Variants in CSMD1 observed in about 807,000 individuals in gnomAD.
The protein encoded by CSMD1 is CUB and Sushi multiple domains 1, also known as CUB and sushi domain-containing protein 1.
A neutral mutation model predicts 417.5 loss-of-function variants in CSMD1; 213 were observed. The ratio of observed to expected loss-of-function variants is 0.51; its 90% CI spans 0.46 to 0.57. The LOEUF (loss-of-function observed/expected upper bound fraction) is 0.57. Among genes scored for constraint, CSMD1 ranks in the 20% least tolerant of loss-of-function variants. CSMD1 has a pLI of 0.00. For missense variants in CSMD1, 6,923 were observed against 4,529.7 expected (o/e 1.53, Z -15.17); for synonymous variants, 2,862 against 1,736.8 (o/e 1.65, Z -16.11).
At chr8:3,245,758 G>T (rs1799841501) in intron 26 of CSMD1, among the ~76,000 whole-genome samples, 1 of 152,176 alleles carries the variant, frequency 6.6e-6, no homozygotes, top group South Asian at 2.1e-4. Context: ...ATCTAGAACG[G>T]ACTATGTGTT....
intron 7 of CSMD1, among the ~76,000 whole-genome samples, chr8:3,648,274 A>G (rs962728318): frequency 2.0e-5 from 3 of 152,222 alleles, no homozygotes; most frequent in African/African-American, 7.2e-5. Flanking sequence ...TCTTTTCTCT[A>G]GAGTAATATA....
chr8:4,660,179 C>T (rs1354051329), intron 1 of CSMD1, among the ~76,000 whole-genome samples: 9 of 150,786 alleles, frequency 6.0e-5, no homozygotes, highest in Admixed American at 4.6e-4. Context: ...TAAAACTGTC[C>T]ATATTTAAAG....
chr8:4,880,812 T>C (rs570285516), intron 1 of CSMD1, among the ~76,000 whole-genome samples: 90 of 152,250 alleles, frequency 5.9e-4, no homozygotes, highest in African/African-American at 2.0e-3. Context: ...AGAAAAAGTT[T>C]TCACTTTTGT....
At chr8:3,399,120 C>G (rs1035027109) in intron 16 of CSMD1, among the ~76,000 whole-genome samples, 5 of 152,026 alleles carry the variant, frequency 3.3e-5, no homozygotes, top group Non-Finnish European at 7.4e-5. Context: ...GGTCCCAAAC[C>G]CAGAGTCAGA....
At chr8:3,579,935 C>T (rs1194519102) in intron 9 of CSMD1, among the ~76,000 whole-genome samples, 3 of 152,012 alleles carry the variant, frequency 2.0e-5, no homozygotes, top group African/African-American at 4.8e-5. Context: ...GAAACCCTGT[C>T]TCTACGAAAC....
At chr8:3,256,309 G>GAAAA (rs61572877) in intron 26 of CSMD1, among the ~76,000 whole-genome samples, 35,788 of 80,546 alleles carry the variant, frequency 0.44, 5,211 homozygotes, top group Admixed American at 0.48. Flanking sequence ...TAAGTCTCAA[G>GAAAA]AAAAAAAAAA....
chr8:3,970,598 G>C (rs1563267777), intron 5 of CSMD1, among the ~76,000 whole-genome samples: 1 of 152,144 alleles, frequency 6.6e-6, no homozygotes, highest in South Asian at 2.1e-4. Flanking sequence ...AGAATGAATA[G>C]CAAAGGATCT....
intron 2 of CSMD1, among the ~76,000 whole-genome samples, chr8:4,634,450 G>C (rs1025026745): frequency 6.6e-6 from 1 of 152,076 alleles, no homozygotes; most frequent in South Asian, 2.1e-4. Context: ...TTGTTTAACA[G>C]AAAAACTGTT....
At chr8:4,565,473 C>T (rs1468580463) in intron 2 of CSMD1, among the ~76,000 whole-genome samples, 1 of 152,012 alleles carries the variant, frequency 6.6e-6, no homozygotes, top group Non-Finnish European at 1.5e-5. Flanking sequence ...CATAGTGGCT[C>T]ACACCTGTAA....
intron 3 of CSMD1, among the ~76,000 whole-genome samples, chr8:4,312,395 A>G (rs1391372244): frequency 1.0e-4 from 2 of 19,970 alleles, no homozygotes; most frequent in Non-Finnish European, 1.3e-4. Context: ...ATATATATAC[A>G]TACATATATA....
At chr8:4,750,401 C>T (rs1811238426) in intron 1 of CSMD1, among the ~76,000 whole-genome samples, 1 of 152,120 alleles carries the variant, frequency 6.6e-6, no homozygotes, top group Non-Finnish European at 1.5e-5. Flanking sequence ...GATTCAATTT[C>T]CTTAGGATAA....
intron 6 of CSMD1, among the ~76,000 whole-genome samples, chr8:3,735,474 G>C (rs73187251): frequency 6.6e-6 from 1 of 150,876 alleles, no homozygotes; most frequent in African/African-American, 2.4e-5. Context: ...AGAAGTCTCT[G>C]TGTCAATATA....
In CSMD1 at chr8:3,187,941, C is replaced by G; in HGVS notation, c.5548G>C (p.Glu1850Gln). ...ATCTCAAGGGAGTCCCAGTTCTGCT[C>G]CGTGGCAAAACTGATCACTTGGATC... ...IQIQVISFAT[E>Q]QNWDSLEIHD... The change falls in exon 36 of 70, where the codon GAG becomes CAG. Residue 1850 changes from glutamate to glutamine, a missense_variant. Coordinates refer to ENST00000635120, the MANE Select transcript of CSMD1 (RefSeq NM_033225.6). 1 of 1,613,080 alleles carries G rather than the reference C, an allele frequency of 6.2e-7. No individual in the cohort carries two copies. Among genetic ancestry groups the G allele is most frequent in the Non-Finnish European group, 8.5e-7 (1 of 1,179,612 alleles).
At chr8:3,711,413 C>T (rs978376268) in intron 6 of CSMD1, among the ~76,000 whole-genome samples, 10 of 152,156 alleles carry the variant, frequency 6.6e-5, no homozygotes, top group African/African-American at 1.7e-4. Context: ...AGCCCAGAGA[C>T]AGACAGTCAC....
intron 2 of CSMD1, among the ~76,000 whole-genome samples, chr8:4,483,580 A>G (rs964331389): frequency 6.6e-6 from 1 of 152,222 alleles, no homozygotes; most frequent in African/African-American, 2.4e-5. Flanking sequence ...GAAATCAAAT[A>G]GGTGATTCAT....
chr8:3,092,056 T>G (rs1814983858), intron 47 of CSMD1, among the ~76,000 whole-genome samples: 1 of 152,212 alleles, frequency 6.6e-6, no homozygotes, highest in African/African-American at 2.4e-5. Flanking sequence ...GAGGGCTGTT[T>G]GGTAATATCC....
In CSMD1 at chr8:4,145,375, CATT is replaced by C. The variant is rs973751770; in HGVS notation, c.416-113279_416-113277del. On this transcript the variant is annotated intron_variant, in intron 3 of 69. Transcript: ENST00000635120. The stretch of plus-strand genomic sequence containing the variant: ...GAAAGATCTGGAAAAATGTCCCAAA[CATT>C]ATATACTATAGTCTTCTTTGGGCAA... Among the ~76,000 whole-genome samples, 9 of 150,948 alleles carry C rather than the reference CATT, an allele frequency of 6.0e-5. 1 individual carries two copies. The highest frequency in any genetic ancestry group is 1.7e-4 in the African/African-American group (7 of 40,296).
At chr8:3,996,974 G>A (rs1188661219) in intron 5 of CSMD1, among the ~76,000 whole-genome samples, 6 of 152,124 alleles carry the variant, frequency 3.9e-5, no homozygotes, top group African/African-American at 9.7e-5. Context: ...ACTGCAACCT[G>A]CCGACATGTT....
chr8:3,062,350 T>C lies in CSMD1; in HGVS notation c.7475-9703A>G, dbSNP rs151328377. On this transcript the variant is annotated intron_variant, in intron 49 of 69. Coordinates refer to ENST00000635120, the MANE Select transcript of CSMD1 (RefSeq NM_033225.6). ...ACCTCTCCACCCACGGGGATAGAAC[T>C]GGTCACACTGCTTTTCTTTACTATG... is the stretch of plus-strand genomic sequence containing the variant. 7.2e-3 allele frequency among the ~76,000 whole-genome samples: 1,101 copies of C among 152,218 alleles called. 14 individuals are homozygous for C. Among genetic ancestry groups the C allele is most frequent in the African/African-American group, 0.025 (1,034 of 41,532 alleles).
Sources: allele counts gnomAD v4.1 joint callset (sites outside exome capture counted in the v4.1 genomes callset), GRCh38; gene constraint gnomAD v4.1.1; transcripts MANE v1.5; gene names NCBI Gene and HGNC (gene_info 2026-07-23, HGNC 2026-07-21).